Variants in SIRPA observed in about 807,000 individuals in gnomAD.
SIRPA encodes the protein signal regulatory protein alpha.
In SIRPA, 9 loss-of-function variants were observed where a neutral mutation model predicts 50.3. The observed-to-expected ratio is 0.18, with a 90% confidence interval of 0.11 to 0.31. The LOEUF (loss-of-function observed/expected upper bound fraction) is 0.31, where lower values mean the gene tolerates loss of function less well. SIRPA is among the 10% of genes least tolerant of loss of function. The pLI is 1.00. For missense variants in SIRPA, 474 were observed against 661.6 expected, an observed-to-expected ratio of 0.72 and a Z score of 3.11; for synonymous variants, 265 against 284.1, an observed-to-expected ratio of 0.93 and a Z score of 0.68.
chr20:1,914,927 G>A (rs1180015520), intron 1 of SIRPA, among the ~76,000 whole-genome samples, 172 bp from the exon 2 acceptor site: 1 of 152,086 alleles, frequency 6.6e-6, no homozygotes, highest in Non-Finnish European at 1.5e-5. Context: ...TAGAATACAG[G>A]CTCATGTTGC....
intron 1 of SIRPA, among the ~76,000 whole-genome samples, chr20:1,907,560 T>G (rs1200894997): frequency 1.3e-5 from 2 of 152,184 alleles, no homozygotes; most frequent in African/African-American, 4.8e-5. Flanking sequence ...TGTCAGCCTT[T>G]AAGACCTAGC....
At position 1,925,068 on chromosome 20, in the gene SIRPA, C is replaced by G. The variant is rs62192721; in HGVS notation, c.1201+191C>G. On this transcript the variant is annotated intron_variant, in intron 5 of 7. Coordinates refer to ENST00000358771, the MANE Select transcript of SIRPA (RefSeq NM_001040023.2). Reference sequence around the variant, plus strand: ...GGGTGGGTCACTCTGTGGCTTCCCCCTCATGGTTACAAGATGTTCATCACT... The same window carrying G: ...GGGTGGGTCACTCTGTGGCTTCCCCGTCATGGTTACAAGATGTTCATCACT... Among the ~76,000 whole-genome samples the G allele has an allele frequency of 8.0e-3, 1,218 of 152,278 alleles. 11 individuals are homozygous for G. Among genetic ancestry groups the G allele is most frequent in the Middle Eastern group, 0.058 (17 of 294 alleles).
At chr20:1,911,168 A>G (rs1223923209) in intron 1 of SIRPA, among the ~76,000 whole-genome samples, 1 of 152,212 alleles carries the variant, frequency 6.6e-6, no homozygotes, top group Non-Finnish European at 1.5e-5. Flanking sequence ...ATTCACCATA[A>G]TGGGATCAGC....
At position 1,937,457 on chromosome 20, in the gene SIRPA, C is replaced by T; in HGVS notation, c.1404C>T (p.Leu468=). Residue 468 remains leucine (L), a synonymous_variant, in exon 8 of 8, where the codon CTC becomes CTT. Transcript: ENST00000358771. The surrounding 1 kb of genome is among the most constrained non-coding windows in gnomAD (Gnocchi z 8.3). Reference sequence around the variant, plus strand: ...CGCAGCCCGCGTCGGAGGACACCCTCACCTATGCTGACCTGGACATGGTCC... The same window carrying T: ...CGCAGCCCGCGTCGGAGGACACCCTTACCTATGCTGACCTGGACATGGTCC... ...TSPQPASEDT[L]TYADLDMVHL... The T allele has an allele frequency of 6.2e-7, 1 of 1,614,148 alleles. No homozygotes were observed. The highest frequency in any genetic ancestry group is 8.5e-7 in the Non-Finnish European group (1 of 1,180,026).
Position 1,938,002 on chromosome 20 carries a change from CCA to C in SIRPA, c.*436_*437del. On this transcript the variant is annotated 3_prime_UTR_variant, in exon 8 of 8. Coordinates refer to ENST00000358771, the MANE Select transcript of SIRPA (RefSeq NM_001040023.2). ...ACCTCCACCACCACCACCACCACCACCACCACCACTACCACCACCACCCAACT... is the reference window on the plus strand; with the variant it reads ...ACCTCCACCACCACCACCACCACCACCCACCACTACCACCACCACCCAACT... 5.9e-6 allele frequency: 1 copy of C among 169,796 alleles called. No homozygotes were observed. The highest frequency in any genetic ancestry group is 1.6e-4 in the East Asian group (1 of 6,376). The allele number at this position is 169,796 out of a possible 1,614,324, so 10.5% of individuals were successfully genotyped here. A position where few individuals can be genotyped will look rare whatever the true frequency, so the allele number is the denominator to read the frequency against.
chr20:1,923,962 A>G (rs928447597), intron 4 of SIRPA, among the ~76,000 whole-genome samples: 1 of 149,550 alleles, frequency 6.7e-6, no homozygotes, highest in African/African-American at 2.5e-5. Context: ...AGAGGATAAA[A>G]GAGTCAGTTG....
intron 2 of SIRPA, among the ~76,000 whole-genome samples, chr20:1,919,239 C>G (rs1003743326): frequency 2.6e-5 from 4 of 152,236 alleles, no homozygotes; most frequent in African/African-American, 9.6e-5. Context: ...CAGGCTCCAC[C>G]ACAGAAATGC....
chr20:1,912,518 C>T (rs147023835), intron 1 of SIRPA, among the ~76,000 whole-genome samples: 195 of 152,372 alleles, frequency 1.3e-3, no homozygotes, highest in African/African-American at 4.4e-3. Flanking sequence ...GTGTTTTAGG[C>T]AGGAGGTTGG....
chr20:1,915,555 C>T (rs147615635), intron 2 of SIRPA, 100 bp downstream of exon 2: 3 of 1,387,002 alleles, frequency 2.2e-6, no homozygotes, highest in East Asian at 4.6e-5. Flanking sequence ...GTGGTAGGTG[C>T]TCCTTTCCAT....
In SIRPA at chr20:1,937,631, CG is replaced by C; in HGVS notation, c.*64del. On this transcript the variant is annotated 3_prime_UTR_variant, in exon 8 of 8. Coordinates refer to ENST00000358771, the MANE Select transcript of SIRPA (RefSeq NM_001040023.2). The surrounding 1 kb of genome is among the most constrained non-coding windows in gnomAD (Gnocchi z 8.3). ...GCTTTCTTGTCCCACAGGGAGCCGC[CG>C]TGATGAGCACAGCCAACCCAGTTCC... 6.3e-7 allele frequency: 1 copy of C among 1,577,854 alleles called. No homozygotes were observed. The highest frequency in any genetic ancestry group is 1.2e-5 in the South Asian group (1 of 86,596).
intron 5 of SIRPA, among the ~76,000 whole-genome samples, chr20:1,926,615 C>T (rs1600446382): frequency 6.6e-6 from 1 of 152,250 alleles, no homozygotes; most frequent in Non-Finnish European, 1.5e-5. Context: ...AGGCACTGCT[C>T]ACTGTGCTTT....
rs1412030948 is a variant in SIRPA at position 1,928,376 on chromosome 20, C to T, written c.1226+477C>T. Among the ~76,000 whole-genome samples the T allele has an allele frequency of 2.6e-5, 4 of 152,176 alleles. No homozygotes were observed. In the East Asian group the frequency reaches 5.8e-4, roughly 22 times the overall value. ...CTCACAGCCTGGTCAGAGGCTCAGACGGTGACATTACATCACTGATGTACG... is the reference window on the plus strand; with the variant it reads ...CTCACAGCCTGGTCAGAGGCTCAGATGGTGACATTACATCACTGATGTACG... On this transcript the variant is annotated intron_variant, in intron 6 of 7. Transcript: ENST00000358771. This position sits in a 1 kb window ranked among gnomAD's most constrained non-coding sequence, Gnocchi z 4.9.
At chr20:1,901,784 G>A (rs1217432632) in intron 1 of SIRPA, among the ~76,000 whole-genome samples, 2 of 152,116 alleles carry the variant, frequency 1.3e-5, no homozygotes, top group Non-Finnish European at 2.9e-5. Flanking sequence ...GGGGCGCAGG[G>A]TGTTAGATGG....
intron 1 of SIRPA, among the ~76,000 whole-genome samples, chr20:1,899,414 C>G (rs1024209380): frequency 2.6e-5 from 4 of 152,162 alleles, no homozygotes; most frequent in African/African-American, 9.7e-5. Flanking sequence ...ATGTAGAATC[C>G]CGAGCTGGGT....
intron 2 of SIRPA, among the ~76,000 whole-genome samples, chr20:1,916,400 C>T (rs1985299155): frequency 6.6e-6 from 1 of 152,160 alleles, no homozygotes; most frequent in African/African-American, 2.4e-5. Flanking sequence ...AGGATCTGGA[C>T]CAGAGCCCAC....
intron 1 of SIRPA, among the ~76,000 whole-genome samples, chr20:1,913,809 A>T (rs995125173): frequency 6.6e-6 from 1 of 151,808 alleles, no homozygotes; most frequent in Non-Finnish European, 1.5e-5. Context: ...AACTGTTCTC[A>T]CTTGGTCCCT....
At chr20:1,917,458 T>G (rs1985370718) in intron 2 of SIRPA, among the ~76,000 whole-genome samples, 1 of 152,140 alleles carries the variant, frequency 6.6e-6, no homozygotes, top group African/African-American at 2.4e-5. Context: ...GGAGAATGCT[T>G]GAACCCAGGA....
At chr20:1,908,020 T>C (rs899007179) in intron 1 of SIRPA, among the ~76,000 whole-genome samples, 3 of 152,270 alleles carry the variant, frequency 2.0e-5, no homozygotes, top group East Asian at 1.9e-4. Context: ...GGCCAGCACA[T>C]AGTAAGTAGG....
chr20:1,935,923 T>C (rs1328220923), intron 7 of SIRPA, among the ~76,000 whole-genome samples: 1 of 152,140 alleles, frequency 6.6e-6, no homozygotes, highest in Non-Finnish European at 1.5e-5. Flanking sequence ...AGGAGCTGTG[T>C]GCTAAGAGCA....
Sources: allele counts gnomAD v4.1 joint callset (sites outside exome capture counted in the v4.1 genomes callset), GRCh38; gene constraint gnomAD v4.1.1; non-coding constraint Gnocchi (gnomAD v3.1); transcripts MANE v1.5; gene names NCBI Gene and HGNC (gene_info 2026-07-23, HGNC 2026-07-21).